The following PLXNA4 variants were observed in gnomAD, a reference collection of about 807,000 sequenced individuals.
The protein encoded by PLXNA4 is plexin-A4.
Under a neutral mutation model 191.8 loss-of-function variants are expected in PLXNA4, and 44 were observed. The observed-to-expected ratio is 0.23, with a 90% CI of 0.18 to 0.29. PLXNA4 has a LOEUF of 0.29. PLXNA4 is among the 10% of genes least tolerant of loss of function. The pLI is 1.00. For synonymous variants in PLXNA4, 1,082 were observed against 1,009.5 expected, an observed-to-expected ratio of 1.07 and a Z score of -1.36; for missense variants, 1,800 against 2,488.8, an observed-to-expected ratio of 0.72 and a Z score of 5.89.
intron 3 of PLXNA4, among the ~76,000 whole-genome samples, chr7:132,362,963 C>A (rs936694843): frequency 1.3e-5 from 2 of 152,130 alleles, no homozygotes; most frequent in Non-Finnish European, 2.9e-5. Flanking sequence ...GTAACTATTA[C>A]CACCATCTAT....
chr7:132,146,949 C>A (rs193211682), intron 27 of PLXNA4, among the ~76,000 whole-genome samples: 1 of 152,336 alleles, frequency 6.6e-6, no homozygotes, highest in African/African-American at 2.4e-5. Flanking sequence ...TACTCTGCAT[C>A]GTGTCAACCC....
upstream of PLXNA4, among the ~76,000 whole-genome samples, chr7:132,581,360 G>A (rs1440434098): frequency 3.9e-5 from 6 of 152,166 alleles, no homozygotes; most frequent in East Asian, 5.8e-4. Context: ...TAGCATGTGG[G>A]TGCAAATCAG....
intron 3 of PLXNA4, among the ~76,000 whole-genome samples, chr7:132,465,913 A>T (rs71534258): frequency 6.6e-6 from 1 of 152,182 alleles, no homozygotes; most frequent in South Asian, 2.1e-4. Flanking sequence ...GGCTAGGGAA[A>T]CAGAGACACC....
At position 132,216,324 on chromosome 7, in the gene PLXNA4, C is replaced by T. The variant is rs559588561; in HGVS notation, c.2098-5181G>A. 4.9e-4 allele frequency among the ~76,000 whole-genome samples: 75 copies of T among 152,156 alleles called. 1 individual carries two copies. The highest frequency in any genetic ancestry group is 9.8e-4 in the Non-Finnish European group (67 of 68,046). On this transcript the variant is annotated intron_variant, in intron 9 of 31. Coordinates refer to ENST00000321063, the MANE Select transcript of PLXNA4 (RefSeq NM_020911.2). ...ATAATTGTATGATCTTTTTGAAGCT[C>T]AGTTTTCCCACCTCTAAAATGGGGA...
rs556457005 is a variant in PLXNA4, at chr7:132,416,067, C to A, written c.1371+73225G>T. ...TCATACTAGCCACATTTCAAGTGCTCAGTAGTCCCATGTGGCTGGTGGCCA... is the reference window on the plus strand; with the variant it reads ...TCATACTAGCCACATTTCAAGTGCTAAGTAGTCCCATGTGGCTGGTGGCCA... On this transcript the variant is annotated intron_variant, in intron 3 of 31. Coordinates refer to ENST00000321063, the MANE Select transcript of PLXNA4 (RefSeq NM_020911.2). Among the ~76,000 whole-genome samples the A allele has an allele frequency of 1.5e-3, 225 of 152,184 alleles. 1 individual carries two copies. Among genetic ancestry groups the A allele is most frequent in the Non-Finnish European group, 2.8e-3 (189 of 68,030 alleles).
At chr7:132,319,141 A>C (rs1802066337) in intron 3 of PLXNA4, among the ~76,000 whole-genome samples, 1 of 152,048 alleles carries the variant, frequency 6.6e-6, no homozygotes, top group Admixed American at 6.5e-5. Flanking sequence ...TATTTCCCCT[A>C]ATCTAATCTA....
intron 2 of PLXNA4, among the ~76,000 whole-genome samples, chr7:132,507,076 T>C (rs549352887): frequency 4.2e-4 from 64 of 152,192 alleles, no homozygotes; most frequent in Non-Finnish European, 7.9e-4. Flanking sequence ...TTCTACCATA[T>C]GGTTTTTATT....
chr7:132,187,577 G>C lies in PLXNA4; in HGVS notation c.2887C>G (p.Arg963Gly), dbSNP rs780610869. The C allele has an allele frequency of 6.2e-7, 1 of 1,613,588 alleles. No homozygotes were observed. The highest frequency in any genetic ancestry group is 8.5e-7 in the Non-Finnish European group (1 of 1,179,810). The change falls in exon 15 of 32, where the codon CGG becomes GGG. Residue 963 changes from arginine to glycine, a missense_variant. This residue lies in a region of PLXNA4 where 1,397 missense variants were observed against 1,880.4 expected (regional missense o/e 0.74). Coordinates refer to ENST00000321063, the MANE Select transcript of PLXNA4 (RefSeq NM_020911.2). ...TLTLSDLKPS[R>G]GPMSGGTQVT... ...TGGGTCCCTCCGGACATGGGCCCCC[G>C]GCTGGGCTTCAGATCTGAGAGAGTC...
intron 2 of PLXNA4, among the ~76,000 whole-genome samples, chr7:132,637,567 TCCTG>T (rs1803633048): frequency 6.6e-6 from 1 of 152,208 alleles, no homozygotes; most frequent in Non-Finnish European, 1.5e-5. Flanking sequence ...TCATCCCAGC[TCCTG>T]CCTAAGAAAA....
rs1211585684 is a variant in PLXNA4, at chr7:132,508,037, A to G, written c.657T>C (p.His219=). The change falls in exon 2 of 32, where the codon CAT becomes CAC. Residue 219 remains histidine (H), a synonymous_variant. Transcript: ENST00000321063. The surrounding 1 kb of genome is among the most constrained non-coding windows in gnomAD (Gnocchi z 4.4). ...TAATCATCGAGGCCACGAACTCATC[A>G]TGGAAGACGTACGCGAACATGCCAT... ...EADGMFAYVF[H]DEFVASMIKI... 1.2e-6 allele frequency: 2 copies of G among 1,614,244 alleles called. No individual in the cohort carries two copies. The highest frequency in any genetic ancestry group is 1.7e-6 in the Non-Finnish European group (2 of 1,180,034).
intron 3 of PLXNA4, among the ~76,000 whole-genome samples, chr7:132,469,815 T>C (rs111560548): frequency 4.6e-5 from 7 of 152,374 alleles, no homozygotes; most frequent in African/African-American, 1.7e-4. Context: ...AAGCGGAAGA[T>C]GGCAGTAGTG....
chr7:132,640,787 AG>A (rs375023059), intron 2 of PLXNA4, among the ~76,000 whole-genome samples: 62,553 of 114,596 alleles, frequency 0.55, 13,398 homozygotes, highest in South Asian at 0.66. Context: ...AAAAAAAAAA[AG>A]GGGGGGGCCC....
chr7:132,135,387 C>T (rs1795081816), intron 30 of PLXNA4, among the ~76,000 whole-genome samples: 1 of 152,168 alleles, frequency 6.6e-6, no homozygotes, highest in African/African-American at 2.4e-5. Flanking sequence ...TCATCAAAAG[C>T]AAAGACTCCT....
At chr7:132,629,438 T>G (rs1803449269) in intron 2 of PLXNA4, among the ~76,000 whole-genome samples, 6 of 152,202 alleles carry the variant, frequency 3.9e-5, no homozygotes, top group Admixed American at 3.9e-4. Flanking sequence ...ATTAATCTCC[T>G]CGGAAACATT....
chr7:132,252,054 C>G (rs1013542563), intron 4 of PLXNA4, among the ~76,000 whole-genome samples: 1 of 152,124 alleles, frequency 6.6e-6, no homozygotes, highest in Non-Finnish European at 1.5e-5. Flanking sequence ...TCTAAATCAT[C>G]TTCGTTTCAC....
chr7:132,583,746 A>G (rs1802452425), intron 2 of PLXNA4, among the ~76,000 whole-genome samples: 1 of 151,978 alleles, frequency 6.6e-6, no homozygotes, highest in African/African-American at 2.4e-5. Context: ...GCCAGGCCCT[A>G]TATTCTTCCT....
chr7:132,246,078 AT>A (rs560836274), intron 4 of PLXNA4, among the ~76,000 whole-genome samples: 19 of 152,288 alleles, frequency 1.2e-4, no homozygotes, highest in African/African-American at 3.9e-4. Flanking sequence ...AACACTGTGA[AT>A]TTTTTTATGT....
chr7:132,405,262 A>G (rs996580176), intron 3 of PLXNA4, among the ~76,000 whole-genome samples: 1 of 152,078 alleles, frequency 6.6e-6, no homozygotes, highest in Non-Finnish European at 1.5e-5. Context: ...CTGGGTTTGA[A>G]ATGGGCTACC....
intron 3 of PLXNA4, among the ~76,000 whole-genome samples, chr7:132,464,582 T>G (rs192459212): frequency 6.8e-4 from 104 of 152,202 alleles, no homozygotes; most frequent in African/African-American, 2.3e-3. Flanking sequence ...ATGTGAAAAA[T>G]GTGTCAAAAT....
Sources: allele counts gnomAD v4.1 joint callset (sites outside exome capture counted in the v4.1 genomes callset), GRCh38; gene constraint gnomAD v4.1.1; regional missense constraint gnomAD v4.1.1; non-coding constraint Gnocchi (gnomAD v3.1); transcripts MANE v1.5; gene names NCBI Gene and HGNC (gene_info 2026-07-23, HGNC 2026-07-21).